The following KIF26A variants were observed in gnomAD, a reference collection of about 807,000 sequenced individuals.
KIF26A encodes kinesin family member 26A.
In KIF26A, 74 loss-of-function variants were observed where a neutral mutation model predicts 126.0. The observed-to-expected ratio is 0.59, with a 90% CI of 0.49 to 0.71. The LOEUF is 0.71. Among genes scored for constraint, KIF26A ranks in the 30% least tolerant of loss-of-function variants. The pLI is 0.00. For missense variants in KIF26A, 2,984 were observed against 2,763.3 expected (o/e 1.08, Z -1.79); for synonymous variants, 1,445 against 1,232.7 (o/e 1.17, Z -3.61).
intron 4 of KIF26A, among the ~76,000 whole-genome samples, chr14:104,161,263 TGGTGGGGCAGGTCCGGCA>T (rs1418658007): frequency 1.1e-5 from 1 of 94,414 alleles, no homozygotes; most frequent in Non-Finnish European, 2.0e-5. Context: ...CCTGGTTCCT[TGGTGGGGCAGGTCCGGCA>T]GGTGGCAGGT....
intron 4 of KIF26A, among the ~76,000 whole-genome samples, chr14:104,165,287 GTC>G (rs1025556030): frequency 1.3e-5 from 2 of 151,718 alleles, no homozygotes; most frequent in Non-Finnish European, 1.5e-5. Flanking sequence ...GCATGTGTGT[GTC>G]TCTGTATGCA....
At position 104,177,264 on chromosome 14, in the gene KIF26A, G is replaced by GC; in HGVS notation, c.4481dup (p.Val1495CysfsTer75). 6.3e-7 allele frequency: 1 copy of GC among 1,594,594 alleles called. No homozygotes were observed. Among genetic ancestry groups the GC allele is most frequent in the East Asian group, 2.3e-5 (1 of 44,244 alleles). On this transcript the variant is annotated frameshift_variant, in exon 12 of 15. Coordinates refer to ENST00000423312, the MANE Select transcript of KIF26A (RefSeq NM_015656.2). LOFTEE classifies it high-confidence loss of function. Reference sequence around the variant, plus strand: ...CAGCCAAGGCTGTGGGGGCCCCCAAGCCCCCTGTTGGTGGAGGCAAGGGCC... The same window carrying GC: ...CAGCCAAGGCTGTGGGGGCCCCCAAGCCCCCCTGTTGGTGGAGGCAAGGGCC...
chr14:104,163,223 C>T (rs1800027248), intron 4 of KIF26A, among the ~76,000 whole-genome samples: 1 of 152,160 alleles, frequency 6.6e-6, no homozygotes, highest in South Asian at 2.1e-4. Context: ...TGCAGCCCTG[C>T]CTGCCTGCCT....
In KIF26A at chr14:104,148,937, G is replaced by T. The variant is rs2037703531; in HGVS notation, c.289-3078G>T. Among the ~76,000 whole-genome samples the T allele has an allele frequency of 6.6e-6, 1 of 152,198 alleles. No homozygotes were observed. Among genetic ancestry groups the T allele is most frequent in the Admixed American group, 6.5e-5 (1 of 15,286 alleles). On this transcript the variant is annotated intron_variant, in intron 2 of 14. Coordinates refer to ENST00000423312, the MANE Select transcript of KIF26A (RefSeq NM_015656.2). The surrounding 1 kb of genome is among the most constrained non-coding windows in gnomAD (Gnocchi z 4.3). ...TAGCTGGACAGTGTGCTGGGCCCCA[G>T]GCTGGTCCTGCAAATAGGAGGTCTC... is the stretch of plus-strand genomic sequence containing the variant.
intron 2 of KIF26A, among the ~76,000 whole-genome samples, chr14:104,146,026 A>G (rs35165685): frequency 0.46 from 69,422 of 152,160 alleles, 17,099 homozygotes; most frequent in Non-Finnish European, 0.55. Context: ...CCAGCAGGGC[A>G]GTGGCAAGGG....
intron 2 of KIF26A, among the ~76,000 whole-genome samples, chr14:104,142,544 C>A (rs1413906223): frequency 6.6e-6 from 1 of 152,176 alleles, no homozygotes; most frequent in Non-Finnish European, 1.5e-5. Flanking sequence ...GGGCTGGAGG[C>A]CCCTCAGTGT....
intron 2 of KIF26A, among the ~76,000 whole-genome samples, chr14:104,149,512 A>G (rs558088788): frequency 6.6e-6 from 1 of 152,116 alleles, no homozygotes; most frequent in East Asian, 2.0e-4. Context: ...ACTGGCCCCC[A>G]ACACCTGGGA....
At position 104,166,882 on chromosome 14, in the gene KIF26A, C is replaced by T. The variant is rs1487718613; in HGVS notation, c.947C>T (p.Ala316Val). The stretch of plus-strand genomic sequence containing the variant: ...AGGGCTATGCAGAAGCTCAGCCTGG[C>T]CTCCAAGAGGAAGAAGCCCCACCCG... ...FIRAMQKLSL[A>V]SKRKKPHPPP... Residue 316 changes from alanine (A) to valine (V), a missense_variant, in exon 5 of 15, where the codon GCC becomes GTC. Physicochemically the swap from Ala to Val is moderately conservative, Grantham distance 64. Coordinates refer to ENST00000423312, the MANE Select transcript of KIF26A (RefSeq NM_015656.2). The T allele has an allele frequency of 1.3e-6, 2 of 1,582,074 alleles. No individual in the cohort carries two copies. The highest frequency in any genetic ancestry group is 1.7e-6 in the Non-Finnish European group (2 of 1,165,224).
intron 4 of KIF26A, among the ~76,000 whole-genome samples, chr14:104,158,764 G>A (rs556017269): frequency 6.6e-6 from 1 of 152,340 alleles, no homozygotes; most frequent in South Asian, 2.1e-4. Flanking sequence ...TTGGCATGGA[G>A]GGGCGTGGTG....
chr14:104,146,855 G>T (rs996627672), intron 2 of KIF26A, among the ~76,000 whole-genome samples: 20 of 152,310 alleles, frequency 1.3e-4, no homozygotes, highest in African/African-American at 4.3e-4. Context: ...GGTGACAGGA[G>T]GCGGGCGCTC....
chr14:104,169,376 G>A (rs1482585150), intron 5 of KIF26A, among the ~76,000 whole-genome samples: 2 of 152,222 alleles, frequency 1.3e-5, no homozygotes, highest in African/African-American at 2.4e-5. Flanking sequence ...CCAGCGCCCC[G>A]CGTTTCTTAG....
intron 3 of KIF26A, among the ~76,000 whole-genome samples, chr14:104,154,789 C>T (rs2037761254): frequency 6.6e-6 from 1 of 152,222 alleles, no homozygotes; most frequent in Non-Finnish European, 1.5e-5. Flanking sequence ...CACCGTGGCC[C>T]TCCACAGAGG....
intron 4 of KIF26A, among the ~76,000 whole-genome samples, chr14:104,166,357 A>T (rs1395123735): frequency 6.6e-6 from 1 of 152,038 alleles, no homozygotes; most frequent in Non-Finnish European, 1.5e-5. Context: ...GTGTCAGTCC[A>T]TTAGGGCCAC....
intron 5 of KIF26A, among the ~76,000 whole-genome samples, chr14:104,168,051 C>T (rs980783100): frequency 1.1e-4 from 16 of 152,198 alleles, no homozygotes; most frequent in Non-Finnish European, 4.4e-5. Context: ...TCTCCCACTG[C>T]CCTAGCTGTA....
rs111710851 is a variant in KIF26A at position 104,144,146 on chromosome 14, G to A, written c.288+4858G>A. Among the ~76,000 whole-genome samples the A allele has an allele frequency of 8.1e-4, 124 of 152,322 alleles. 1 individual carries two copies. Among genetic ancestry groups the A allele is most frequent in the African/African-American group, 2.1e-3 (88 of 41,574 alleles). On this transcript the variant is annotated intron_variant, in intron 2 of 14. Transcript: ENST00000423312. The stretch of plus-strand genomic sequence containing the variant: ...TCAGCATGTGATGGGTGGAGGGCAC[G>A]TCCTTGTGCTCGTCTTGTCTCTCTT...
rs373969087 is a variant in KIF26A, at chr14:104,177,798, C to T, written c.5010C>T (p.Thr1670=). 1.6e-4 allele frequency: 244 copies of T among 1,558,310 alleles called. No individual in the cohort carries two copies. Among genetic ancestry groups the T allele is most frequent in the African/African-American group, 1.6e-3 (115 of 73,994 alleles). Residue 1670 remains threonine (T), a synonymous_variant, in exon 12 of 15, where the codon ACC becomes ACT. Transcript: ENST00000423312. ...YESLRRDSEA[T]GSASSAPDSM... ...GCCTGCGGCGCGACAGCGAGGCCACCGGCAGCGCCTCCTCCGCCCCTGACT... is the reference window on the plus strand; with the variant it reads ...GCCTGCGGCGCGACAGCGAGGCCACTGGCAGCGCCTCCTCCGCCCCTGACT...
Position 104,139,135 on chromosome 14 carries a change from C to T in KIF26A, c.135C>T (p.Cys45=), listed in dbSNP as rs1459490019. 1.3e-6 allele frequency: 2 copies of T among 1,510,314 alleles called. No individual in the cohort carries two copies. The highest frequency in any genetic ancestry group is 2.7e-5 in the East Asian group (1 of 37,022). The allele number at this position is 1,510,314 out of a possible 1,614,324, so 93.6% of individuals were successfully genotyped here. A position where few individuals can be genotyped will look rare whatever the true frequency, so the allele number is the denominator to read the frequency against. ...CCGCCGGGCCCGACCAGGACCCATGCGGCAGCCGCCCTGCTCCCGAAGGCG... is the reference window on the plus strand; with the variant it reads ...CCGCCGGGCCCGACCAGGACCCATGTGGCAGCCGCCCTGCTCCCGAAGGCG... ...RLPAGPDQDP[C]GSRPAPEGAG... Residue 45 remains cysteine, a synonymous_variant, in exon 2 of 15, where the codon TGC becomes TGT. Coordinates refer to ENST00000423312, the MANE Select transcript of KIF26A (RefSeq NM_015656.2).
At chr14:104,169,441 T>C (rs1156420283) in intron 5 of KIF26A, among the ~76,000 whole-genome samples, 1 of 152,162 alleles carries the variant, frequency 6.6e-6, no homozygotes, top group Non-Finnish European at 1.5e-5. Context: ...GGCTTCTCCC[T>C]TCTCTCCATG....
chr14:104,173,598 C>T, intron 9 of KIF26A, 85 bp downstream of exon 9: 1 of 1,510,768 alleles, frequency 6.6e-7, no homozygotes, highest in Non-Finnish European at 8.9e-7. Context: ...TCCAGTGGCT[C>T]CTGGGGATGT....
Sources: gnomAD v4.1 joint callset for allele counts (sites outside exome capture counted in the v4.1 genomes callset) on GRCh38, gnomAD v4.1.1 for gene constraint, Gnocchi (gnomAD v3.1) non-coding constraint, MANE v1.5 for transcripts, NCBI Gene and HGNC (gene_info 2026-07-23, HGNC 2026-07-21) for gene names.